The following NALCN variants were observed in gnomAD, a reference collection of about 807,000 sequenced individuals.
NALCN encodes the protein sodium leak channel, non-selective.
NALCN carries 111 observed loss-of-function variants against 225.3 expected under a neutral mutation model. That is an observed-to-expected ratio of 0.49 (90% CI 0.42 to 0.58). The LOEUF is 0.58. Among genes scored for constraint, NALCN ranks in the 20% least tolerant of loss-of-function variants. The pLI is 0.00. For synonymous variants in NALCN, 764 were observed against 769.0 expected (o/e 0.99, Z 0.11); for missense variants, 1,378 against 2,202.4 (o/e 0.63, Z 7.49).
intron 40 of NALCN, among the ~76,000 whole-genome samples, chr13:101,064,798 C>T (rs1165534703): frequency 6.6e-6 from 1 of 152,148 alleles, no homozygotes; most frequent in Non-Finnish European, 1.5e-5. Flanking sequence ...TTGTTTAAAT[C>T]CCTCAGCTTA....
intron 6 of NALCN, among the ~76,000 whole-genome samples, chr13:101,364,023 C>T (rs2046318336): frequency 6.6e-6 from 1 of 152,036 alleles, no homozygotes; most frequent in Admixed American, 6.6e-5. Flanking sequence ...ATAAAAGCTA[C>T]AGTGAAATAT....
chr13:101,268,959 G>T (rs1346778776), intron 10 of NALCN, among the ~76,000 whole-genome samples: 1 of 152,086 alleles, frequency 6.6e-6, no homozygotes, highest in African/African-American at 2.4e-5. Flanking sequence ...AAAAGTAAAT[G>T]ATGACATGTA....
At chr13:101,172,885 C>G (rs9513864) in intron 15 of NALCN, among the ~76,000 whole-genome samples, 37,598 of 151,690 alleles carry the variant, frequency 0.25, 5,347 homozygotes, top group Non-Finnish European at 0.33. Context: ...CATTTTAGAG[C>G]GAACAGGCCC....
At chr13:101,383,158 T>C (rs550614289) in intron 3 of NALCN, among the ~76,000 whole-genome samples, 3 of 152,332 alleles carry the variant, frequency 2.0e-5, no homozygotes, top group Admixed American at 6.5e-5. Context: ...TGTGCCAACC[T>C]TTCCTTCCAG....
chr13:101,083,259 G>T, intron 31 of NALCN, 61 bp from the exon 32 acceptor site: 1 of 1,355,116 alleles, frequency 7.4e-7, no homozygotes, highest in Non-Finnish European at 1.0e-6. Context: ...CTTTCTTGTC[G>T]TTTATTTTCT....
intron 7 of NALCN, among the ~76,000 whole-genome samples, chr13:101,303,068 T>C (rs1047866678): frequency 6.6e-5 from 10 of 152,122 alleles, no homozygotes. Context: ...ATGAGAAAAT[T>C]GTAACCAATT....
intron 11 of NALCN, among the ~76,000 whole-genome samples, chr13:101,239,428 G>A (rs569879379): frequency 3.3e-5 from 5 of 152,028 alleles, no homozygotes; most frequent in South Asian, 2.1e-4. Flanking sequence ...CTAAAGTTAC[G>A]TGAACTGTGA....
chr13:101,322,774 A>G (rs1296454821), intron 7 of NALCN, among the ~76,000 whole-genome samples: 2 of 152,044 alleles, frequency 1.3e-5, no homozygotes, highest in African/African-American at 4.8e-5. Context: ...ATTTAGTGGC[A>G]TGATCTCGGC....
At chr13:101,201,649 TCTGA>T (rs909112628) in intron 13 of NALCN, among the ~76,000 whole-genome samples, 1 of 152,190 alleles carries the variant, frequency 6.6e-6, no homozygotes, top group Non-Finnish European at 1.5e-5. Context: ...ATAAATTACT[TCTGA>T]CTTTTTTTTT....
chr13:101,133,606 A>G (rs911560030), intron 17 of NALCN, among the ~76,000 whole-genome samples: 51 of 152,322 alleles, frequency 3.3e-4, no homozygotes, highest in Admixed American at 2.4e-3. Context: ...TTGAATTTTC[A>G]TGCACCCGTG....
chr13:101,194,917 T>C (rs1398187438), intron 13 of NALCN, among the ~76,000 whole-genome samples: 3 of 152,150 alleles, frequency 2.0e-5, no homozygotes, highest in Non-Finnish European at 4.4e-5. Flanking sequence ...GGAAGAAGAA[T>C]TGCTTGAACC....
chr13:101,402,733 TC>T (rs553956205), intron 1 of NALCN, among the ~76,000 whole-genome samples: 52 of 152,256 alleles, frequency 3.4e-4, no homozygotes, highest in Middle Eastern at 6.8e-3. Flanking sequence ...CGGTGCTGCT[TC>T]CCCCGCAGAT....
intron 14 of NALCN, among the ~76,000 whole-genome samples, chr13:101,184,856 C>T (rs1056422175): frequency 6.6e-6 from 1 of 152,078 alleles, no homozygotes; most frequent in African/African-American, 2.4e-5. Context: ...ATAGCTTTCC[C>T]TTTTCAGTTT....
chr13:101,369,384 A>AT (rs2046474996), intron 6 of NALCN, among the ~76,000 whole-genome samples: 1 of 151,896 alleles, frequency 6.6e-6, no homozygotes, highest in African/African-American at 2.4e-5. Context: ...GTTTTCATGC[A>AT]TTTTTTCAGT....
chr13:101,083,995 G>T (rs1210237181), intron 30 of NALCN, among the ~76,000 whole-genome samples, 191 bp from the exon 31 acceptor site: 1 of 152,124 alleles, frequency 6.6e-6, no homozygotes, highest in Non-Finnish European at 1.5e-5. Flanking sequence ...CCAAAATGAT[G>T]ACCAGGTGTT....
chr13:101,177,165 T>C (rs2038990524), intron 14 of NALCN, among the ~76,000 whole-genome samples: 1 of 152,112 alleles, frequency 6.6e-6, no homozygotes, highest in African/African-American at 2.4e-5. Context: ...ACTCCAGCCC[T>C]AGTAAAACTT....
intron 30 of NALCN, among the ~76,000 whole-genome samples, chr13:101,085,970 G>C (rs2033909703): frequency 6.6e-6 from 1 of 151,652 alleles, no homozygotes; most frequent in South Asian, 2.1e-4. Context: ...GTCCCTGCTG[G>C]GTCTTTCTAG....
At chr13:101,272,743 G>GGA (rs762056113) in intron 10 of NALCN, among the ~76,000 whole-genome samples, 23 of 152,166 alleles carry the variant, frequency 1.5e-4, no homozygotes, top group Admixed American at 2.0e-4. Flanking sequence ...AATGGGCTGG[G>GGA]GAGAGAGCTG....
intron 9 of NALCN, among the ~76,000 whole-genome samples, chr13:101,288,437 A>AT (rs774645784): frequency 5.9e-5 from 9 of 152,094 alleles, no homozygotes; most frequent in Non-Finnish European, 1.3e-4. Context: ...CTTTTCATCC[A>AT]TTTTTTCTCT....
Sources: allele counts gnomAD v4.1 joint callset (sites outside exome capture counted in the v4.1 genomes callset), GRCh38; gene constraint gnomAD v4.1.1; transcripts MANE v1.5; gene names NCBI Gene and HGNC (gene_info 2026-07-23, HGNC 2026-07-21).